OXR1: variants seen among roughly 807,000 people sequenced by gnomAD.
OXR1 encodes oxidation resistance 1.
OXR1 carries 41 observed loss-of-function variants against 104.6 expected under a neutral mutation model. That is an observed-to-expected ratio of 0.39 (90% confidence interval 0.31 to 0.51). OXR1 has a LOEUF of 0.51. OXR1 is among the 20% of genes least tolerant of loss of function. The pLI is 0.77. For missense variants in OXR1, 955 were observed against 1,031.9 expected (o/e 0.93, Z 1.02); for synonymous variants, 348 against 348.4 (o/e 1.00, Z 0.01).
chr8:106,545,600 G>A (rs748556049), intron 3 of OXR1, among the ~76,000 whole-genome samples: 1 of 152,142 alleles, frequency 6.6e-6, no homozygotes, highest in Non-Finnish European at 1.5e-5. Flanking sequence ...AGACCTTCAT[G>A]AAATCTTCTT....
At chr8:106,420,173 G>A (rs1186693629) in intron 2 of OXR1, among the ~76,000 whole-genome samples, 6 of 151,946 alleles carry the variant, frequency 3.9e-5, no homozygotes, top group Non-Finnish European at 7.4e-5. Context: ...CAAAGCTGAC[G>A]GTTTTAAATT....
intron 1 of OXR1, among the ~76,000 whole-genome samples, chr8:106,303,000 G>T (rs1192800090): frequency 6.6e-6 from 1 of 151,674 alleles, no homozygotes; most frequent in Non-Finnish European, 1.5e-5. Context: ...TGATCCATCC[G>T]CCTTGGCCTC....
chr8:106,292,919 A>AAGGACTAG (rs1242860628), intron 1 of OXR1, among the ~76,000 whole-genome samples: 2 of 152,254 alleles, frequency 1.3e-5, no homozygotes, highest in Non-Finnish European at 2.9e-5. Flanking sequence ...CCTGGTTGCC[A>AAGGACTAG]AGGGGGCAGG....
chr8:106,657,945 C>T (rs1825301377), intron 3 of OXR1: 1 of 1,247,860 alleles, frequency 8.0e-7, no homozygotes, highest in East Asian at 3.2e-5. Flanking sequence ...CCGAAACCGT[C>T]GACCTCCTGG....
intron 5 of OXR1, 66 bp from the exon 6 acceptor site, chr8:106,684,180 A>T: frequency 1.3e-6 from 1 of 778,402 alleles, no homozygotes. Flanking sequence ...GTGCTTGCTT[A>T]TAGAACACCA....
intron 1 of OXR1, among the ~76,000 whole-genome samples, chr8:106,352,554 T>C (rs1198708464): frequency 6.6e-6 from 1 of 152,180 alleles, no homozygotes; most frequent in Non-Finnish European, 1.5e-5. Flanking sequence ...AATTGCAAAA[T>C]ATTGCATACA....
At chr8:106,745,988 AAG>A (rs1355069823) in intron 16 of OXR1, 126 bp downstream of exon 16, 23 of 590,900 alleles carry the variant, frequency 3.9e-5, no homozygotes, top group East Asian at 5.7e-5. Context: ...TATTATGAAA[AAG>A]AGAGTATAAT....
chr8:106,296,108 T>A (rs1478587889), intron 1 of OXR1, among the ~76,000 whole-genome samples: 1 of 152,160 alleles, frequency 6.6e-6, no homozygotes, highest in Non-Finnish European at 1.5e-5. Context: ...AAAGCCAGTG[T>A]TGTTTGAAGT....
At chr8:106,494,345 T>G (rs1226618170) in intron 2 of OXR1, among the ~76,000 whole-genome samples, 4 of 152,196 alleles carry the variant, frequency 2.6e-5, no homozygotes, top group Non-Finnish European at 5.9e-5. Context: ...CTGATTATAT[T>G]GTGTGTGGTC....
intron 2 of OXR1, among the ~76,000 whole-genome samples, chr8:106,370,135 T>C (rs1315152969): frequency 6.6e-6 from 1 of 152,194 alleles, no homozygotes; most frequent in Non-Finnish European, 1.5e-5. Flanking sequence ...GCTGTGTTTC[T>C]AGGTATTTTA....
intron 2 of OXR1, among the ~76,000 whole-genome samples, chr8:106,497,941 A>T (rs1047234119): frequency 1.3e-5 from 2 of 152,046 alleles, no homozygotes; most frequent in Non-Finnish European, 2.9e-5. Context: ...CATTCTTACC[A>T]TGTATGTGTA....
chr8:106,637,973 G>A (rs919288891), intron 3 of OXR1, among the ~76,000 whole-genome samples: 2 of 151,904 alleles, frequency 1.3e-5, no homozygotes, highest in Non-Finnish European at 2.9e-5. Flanking sequence ...CACCGAGTTA[G>A]CCAGGATGGT....
intron 2 of OXR1, among the ~76,000 whole-genome samples, chr8:106,376,248 T>A (rs1187162053): frequency 6.6e-6 from 1 of 152,226 alleles, no homozygotes; most frequent in East Asian, 1.9e-4. Context: ...TCCCATTCTG[T>A]CCTGTTGATT....
At chr8:106,559,979 T>G (rs901299418) in intron 3 of OXR1, among the ~76,000 whole-genome samples, 1 of 151,942 alleles carries the variant, frequency 6.6e-6, no homozygotes, top group Non-Finnish European at 1.5e-5. Context: ...TAACAGAAAA[T>G]AAGCTAGTGG....
chr8:106,736,262 A>C (rs1317739317), intron 11 of OXR1, among the ~76,000 whole-genome samples: 2 of 151,534 alleles, frequency 1.3e-5, no homozygotes, highest in African/African-American at 4.8e-5. Context: ...TGCTTCACAA[A>C]ATTCAATATA....
intron 8 of OXR1, among the ~76,000 whole-genome samples, chr8:106,703,673 T>C (rs1172688744): frequency 3.3e-5 from 5 of 152,138 alleles, no homozygotes; most frequent in Non-Finnish European, 5.9e-5. Context: ...TATGTTAAGA[T>C]AGCTGTGAGA....
At chr8:106,664,469 T>C (rs1178537291) in intron 3 of OXR1, among the ~76,000 whole-genome samples, 2 of 152,344 alleles carry the variant, frequency 1.3e-5, no homozygotes, top group East Asian at 1.9e-4. Context: ...GAAGTAAATA[T>C]AGAAATGATG....
intron 3 of OXR1, among the ~76,000 whole-genome samples, chr8:106,613,703 A>G (rs571772152): frequency 5.9e-5 from 9 of 152,260 alleles, no homozygotes. Context: ...CCAGCCTGTT[A>G]TGTCCTATAC....
At chr8:106,328,828 A>G (rs1262470063) in intron 1 of OXR1, among the ~76,000 whole-genome samples, 1 of 152,206 alleles carries the variant, frequency 6.6e-6, no homozygotes, top group African/African-American at 2.4e-5. Flanking sequence ...GTCAATAGTT[A>G]GCAACTGAAA....
Sources: gnomAD v4.1 joint callset for allele counts (sites outside exome capture counted in the v4.1 genomes callset) on GRCh38, gnomAD v4.1.1 for gene constraint, MANE v1.5 for transcripts, NCBI Gene and HGNC (gene_info 2026-07-23, HGNC 2026-07-21) for gene names.